RPE65: variants seen among roughly 807,000 people sequenced by gnomAD.
RPE65 encodes the protein retinoid isomerohydrolase.
In RPE65, 58 loss-of-function variants were observed where a neutral mutation model predicts 68.5. The ratio of observed to expected loss-of-function variants is 0.85; its 90% CI spans 0.69 to 1.05. RPE65 has a LOEUF of 1.05. Among genes scored for constraint, RPE65 ranks in the 50% least tolerant of loss-of-function variants. The pLI is 0.00. For missense variants in RPE65, 643 were observed against 629.9 expected (o/e 1.02, Z -0.22); for synonymous variants, 220 against 222.2 (o/e 0.99, Z 0.09).
In RPE65 at chr1:68,429,892, C is replaced by T. The variant is rs1468393625; in HGVS notation, c.1486G>A (p.Gly496Arg). The T allele has an allele frequency of 3.1e-6, 5 of 1,613,710 alleles. No homozygotes were observed. The African/African-American group carries it at 6.7e-5, about 22-fold the overall frequency. The change falls in exon 14 of 14, where the codon GGA (glycine) becomes AGA (arginine). Residue 496 changes from glycine to arginine, a missense_variant. Gly to Arg is a moderately radical substitution (Grantham distance 125, BLOSUM62 -2). Transcript: ENST00000262340. Reference protein sequence around the residue: ...VLSVVVSPGAGQKPAYLLILN... With the variant: ...VLSVVVSPGARQKPAYLLILN... Reference sequence around the variant, plus strand: ...ATCAGGAGATAAGCAGGCTTTTGTCCTGCTCCTGGGCTCACCACCACACTC... The same window carrying T: ...ATCAGGAGATAAGCAGGCTTTTGTCTTGCTCCTGGGCTCACCACCACACTC...
At position 68,449,275 on chromosome 1, in the gene RPE65, A is replaced by G. The variant is rs554953648; in HGVS notation, c.12-569T>C. ...CATATTATACCATAATTTTTTCCCCATCATCTCATTTCTCTACCAATCCCC... is the reference window on the plus strand; with the variant it reads ...CATATTATACCATAATTTTTTCCCCGTCATCTCATTTCTCTACCAATCCCC... On this transcript the variant is annotated intron_variant, in intron 1 of 13. Transcript: ENST00000262340. 4.6e-5 allele frequency among the ~76,000 whole-genome samples: 7 copies of G among 152,052 alleles called. No homozygotes were observed. The South Asian group carries it at 1.2e-3, about 27-fold the overall frequency.
At chr1:68,438,087 A>G in intron 10 of RPE65, 100 bp downstream of exon 10, 1 of 1,472,394 alleles carries the variant, frequency 6.8e-7, no homozygotes, top group Non-Finnish European at 9.4e-7. Context: ...TCTAGCTCTC[A>G]AATTTCAAGA....
At chr1:68,434,580 C>T (rs1645847757) in intron 10 of RPE65, among the ~76,000 whole-genome samples, 1 of 152,032 alleles carries the variant, frequency 6.6e-6, no homozygotes, top group Non-Finnish European at 1.5e-5. Context: ...GAGGGGTGTG[C>T]ACATGTATGC....
intron 3 of RPE65, among the ~76,000 whole-genome samples, chr1:68,446,257 G>A (rs1375670452): frequency 1.3e-5 from 2 of 151,940 alleles, no homozygotes; most frequent in Non-Finnish European, 2.9e-5. Context: ...AAAGAAAAAG[G>A]AATCAAGATG....
In RPE65 at chr1:68,429,850, A is replaced by C. The variant is rs1645807470; in HGVS notation, c.1528T>G (p.Leu510Val). Residue 510 changes from leucine to valine, a missense_variant, in exon 14 of 14, where the codon TTA (leucine) becomes GTA (valine). Coordinates refer to ENST00000262340, the MANE Select transcript of RPE65 (RefSeq NM_000329.3). ...AYLLILNAKD[L>V]SEVARAEVEI... ...ACTTCAGCCCGGGCAACTTCACTTA[A>C]GTCCTTGGCATTCAGAATCAGGAGA... is the stretch of plus-strand genomic sequence containing the variant. The C allele has an allele frequency of 1.2e-6, 2 of 1,613,746 alleles. No homozygotes were observed. Among genetic ancestry groups the C allele is most frequent in the Admixed American group, 1.7e-5 (1 of 59,944 alleles).
intron 10 of RPE65, among the ~76,000 whole-genome samples, chr1:68,436,347 C>A (rs1405198225): frequency 6.6e-6 from 1 of 152,086 alleles, no homozygotes; most frequent in Non-Finnish European, 1.5e-5. Flanking sequence ...CAGCAGCTGC[C>A]TATGGAATGC....
intron 2 of RPE65, 83 bp from the exon 3 acceptor site, chr1:68,446,943 A>T (rs1217183538): frequency 6.4e-7 from 1 of 1,566,432 alleles, no homozygotes; most frequent in Non-Finnish European, 8.8e-7. Flanking sequence ...GTATATCAGC[A>T]GCCTGATTGG....
intron 6 of RPE65, among the ~76,000 whole-genome samples, chr1:68,439,882 T>G (rs1645887916): frequency 6.6e-6 from 1 of 152,146 alleles, no homozygotes; most frequent in South Asian, 2.1e-4. Context: ...TTGTGGCAAG[T>G]GGAGTGTAGT....
intron 10 of RPE65, among the ~76,000 whole-genome samples, chr1:68,433,971 C>A (rs1420135374): frequency 6.6e-6 from 1 of 151,762 alleles, no homozygotes; most frequent in Admixed American, 6.6e-5. Flanking sequence ...TTGGAAGTTC[C>A]TGGTGGAAAT....
rs184239420 is a variant in RPE65, at chr1:68,429,014, T to C, written c.*762A>G. 30 of 151,148 alleles carry C rather than the reference T, an allele frequency of 2.0e-4. No homozygotes were observed. The highest frequency in any genetic ancestry group is 7.1e-4 in the African/African-American group (29 of 41,028). The allele number at this position is 151,148 out of a possible 1,614,324, so 9.4% of individuals were successfully genotyped here. ...CCTGCAACATTATCCCATAATCTGA[T>C]TTTAGTAAATATTACATTTTTAAGC... On this transcript the variant is annotated 3_prime_UTR_variant, in exon 14 of 14. Transcript: ENST00000262340.
At chr1:68,430,946 A>C in intron 13 of RPE65, 119 bp downstream of exon 13, 1 of 789,052 alleles carries the variant, frequency 1.3e-6, no homozygotes. Context: ...TGCTCTATTT[A>C]TAGTATTAAG....
rs1645805668 is a variant in RPE65 at position 68,429,608 on chromosome 1, G to A, written c.*168C>T. ...ATACGTACTTTTTTTTTTAAATAAA[G>A]GAATTGCTTGCTCAACTCAGTGCTT... On this transcript the variant is annotated 3_prime_UTR_variant, in exon 14 of 14. Transcript: ENST00000262340. The A allele has an allele frequency of 7.2e-6, 5 of 696,362 alleles. No homozygotes were observed. Among genetic ancestry groups the A allele is most frequent in the Non-Finnish European group, 9.6e-6 (4 of 415,020 alleles). The allele number at this position is 696,362 out of a possible 1,614,324, so 43.1% of individuals were successfully genotyped here.
intron 5 of RPE65, among the ~76,000 whole-genome samples, chr1:68,443,485 C>A (rs1645917771): frequency 6.6e-6 from 1 of 152,064 alleles, no homozygotes; most frequent in African/African-American, 2.4e-5. Flanking sequence ...TTCATGAACA[C>A]CTTCTACCTC....
chr1:68,431,658 G>A, intron 10 of RPE65, 73 bp from the exon 11 acceptor site: 3 of 1,297,220 alleles, frequency 2.3e-6, no homozygotes, highest in Non-Finnish European at 3.3e-6. Context: ...GAGTTCTTAA[G>A]TCTTGGCTCC....
intron 10 of RPE65, among the ~76,000 whole-genome samples, chr1:68,432,410 G>A (rs1268292070): frequency 1.3e-5 from 2 of 152,140 alleles, no homozygotes; most frequent in African/African-American, 2.4e-5. Context: ...AATTTGAATA[G>A]ATGGTTCGGG....
intron 13 of RPE65, 89 bp downstream of exon 13, chr1:68,430,976 G>A (rs1325061117): frequency 2.9e-5 from 29 of 995,046 alleles, no homozygotes; most frequent in South Asian, 2.2e-4. Flanking sequence ...TGAGTATTAC[G>A]GAATAATCAA....
chr1:68,444,393 C>T (rs1015350626), intron 5 of RPE65, 138 bp downstream of exon 5: 20 of 1,103,854 alleles, frequency 1.8e-5, no homozygotes, highest in Admixed American at 3.5e-5. Context: ...CAGTGCAGTC[C>T]ATTTGGAGCT....
intron 10 of RPE65, among the ~76,000 whole-genome samples, chr1:68,436,605 A>T (rs1198407872): frequency 6.6e-6 from 1 of 151,858 alleles, no homozygotes; most frequent in Non-Finnish European, 1.5e-5. Flanking sequence ...AGTAGCTGGG[A>T]TTACAGGCAT....
intron 10 of RPE65, among the ~76,000 whole-genome samples, chr1:68,433,713 C>T (rs1158397053): frequency 6.6e-6 from 1 of 152,044 alleles, no homozygotes; most frequent in Non-Finnish European, 1.5e-5. Flanking sequence ...AACCAATTAA[C>T]ATGATTGTGT....
Sources: allele counts gnomAD v4.1 joint callset (sites outside exome capture counted in the v4.1 genomes callset), GRCh38; gene constraint gnomAD v4.1.1; transcripts MANE v1.5; gene names NCBI Gene and HGNC (gene_info 2026-07-23, HGNC 2026-07-21).